Variants in LCOR observed in about 807,000 individuals in gnomAD.
LCOR encodes ligand dependent nuclear receptor corepressor.
In LCOR, 14 loss-of-function variants were observed where a neutral mutation model predicts 64.4. The ratio of observed to expected loss-of-function variants is 0.22; its 90% CI spans 0.14 to 0.34. The LOEUF (loss-of-function observed/expected upper bound fraction) is 0.34. Among genes scored for constraint, LCOR ranks in the 10% least tolerant of loss-of-function variants. LCOR has a pLI of 1.00. For missense variants in LCOR, 1,686 were observed against 1,765.3 expected (o/e 0.96, Z 0.80); for synonymous variants, 643 against 642.5 (o/e 1.00, Z -0.01).
At chr10:96,879,134 C>T (rs973516153) in intron 2 of LCOR, among the ~76,000 whole-genome samples, 1 of 152,030 alleles carries the variant, frequency 6.6e-6, no homozygotes, top group African/African-American at 2.4e-5. Flanking sequence ...TATATAACAC[C>T]CACTATATGC....
At chr10:96,835,594 C>CT (rs1315796862) in intron 2 of LCOR, among the ~76,000 whole-genome samples, 2 of 152,168 alleles carry the variant, frequency 1.3e-5, no homozygotes, top group African/African-American at 4.8e-5. Flanking sequence ...AACTTGTTTA[C>CT]TTCCAGATGT....
At chr10:96,845,365 A>G (rs532151623) in intron 2 of LCOR, among the ~76,000 whole-genome samples, 1 of 149,698 alleles carries the variant, frequency 6.7e-6, no homozygotes, top group East Asian at 2.0e-4. Context: ...TATAAACACT[A>G]ATTTCCTGTG....
chr10:96,951,975 C>CA, intron 6 of LCOR, 128 bp from the exon 7 acceptor site: 1 of 611,556 alleles, frequency 1.6e-6, no homozygotes, highest in Non-Finnish European at 2.9e-6. Flanking sequence ...TTTTATAACT[C>CA]AAATATATGA....
At chr10:96,977,662 A>AGTTTGTTT (rs144809803) in intron 7 of LCOR, among the ~76,000 whole-genome samples, 2 of 151,926 alleles carry the variant, frequency 1.3e-5, no homozygotes, top group South Asian at 4.2e-4. Flanking sequence ...TTGATCTCCA[A>AGTTTGTTT]GTTTGTTTGT....
intron 4 of LCOR, among the ~76,000 whole-genome samples, chr10:96,938,137 T>A (rs930559702): frequency 2.0e-5 from 3 of 151,972 alleles, no homozygotes; most frequent in African/African-American, 7.3e-5. Flanking sequence ...TTTAACTGAT[T>A]TGTAGAGACG....
intron 4 of LCOR, among the ~76,000 whole-genome samples, chr10:96,917,909 T>C (rs1846983165): frequency 6.6e-6 from 1 of 152,014 alleles, no homozygotes; most frequent in Non-Finnish European, 1.5e-5. Context: ...AAGGGAAAGT[T>C]TTGGTGCAGT....
intron 2 of LCOR, among the ~76,000 whole-genome samples, chr10:96,901,116 G>A (rs902387578): frequency 3.3e-5 from 5 of 151,940 alleles, no homozygotes; most frequent in Non-Finnish European, 5.9e-5. Flanking sequence ...ATGAACCCGG[G>A]AGGCGGAGCT....
chr10:96,918,274 G>T (rs1019939981), intron 4 of LCOR, among the ~76,000 whole-genome samples: 1 of 152,170 alleles, frequency 6.6e-6, no homozygotes, highest in Non-Finnish European at 1.5e-5. Context: ...TGTCATGTTT[G>T]TCAAACTAAT....
intron 7 of LCOR, among the ~76,000 whole-genome samples, chr10:96,968,420 TGAG>T (rs1847969241): frequency 2.0e-5 from 3 of 152,246 alleles, no homozygotes; most frequent in Admixed American, 2.0e-4. Context: ...AACTATTAAT[TGAG>T]TTTGGCCCTT....
intron 2 of LCOR, among the ~76,000 whole-genome samples, chr10:96,890,089 G>A (rs761172479): frequency 6.6e-5 from 10 of 151,694 alleles, no homozygotes; most frequent in Admixed American, 1.3e-4. Flanking sequence ...CTTTGTATGC[G>A]TGTAGTTTTT....
At chr10:96,846,155 C>T (rs770639567) in intron 2 of LCOR, among the ~76,000 whole-genome samples, 1 of 151,832 alleles carries the variant, frequency 6.6e-6, no homozygotes, top group Non-Finnish European at 1.5e-5. Flanking sequence ...TGCAGTGAGC[C>T]GAGATTGCAC....
chr10:96,836,609 T>C (rs1845445686), intron 2 of LCOR, among the ~76,000 whole-genome samples: 1 of 152,202 alleles, frequency 6.6e-6, no homozygotes, highest in Non-Finnish European at 1.5e-5. Context: ...GCATAGTGTG[T>C]CATATGATGG....
intron 2 of LCOR, among the ~76,000 whole-genome samples, chr10:96,867,213 G>A (rs545842319): frequency 6.6e-6 from 1 of 152,040 alleles, no homozygotes; most frequent in African/African-American, 2.4e-5. Flanking sequence ...GGCTGATGTC[G>A]AACTCCCGAC....
chr10:96,951,655 G>A (rs1198642399), intron 6 of LCOR, among the ~76,000 whole-genome samples: 1 of 151,838 alleles, frequency 6.6e-6, no homozygotes, highest in Non-Finnish European at 1.5e-5. Flanking sequence ...TATCGAATTT[G>A]TATGTACTTT....
intron 2 of LCOR, among the ~76,000 whole-genome samples, chr10:96,837,447 GA>G (rs1845465777): frequency 6.6e-6 from 1 of 151,618 alleles, no homozygotes; most frequent in African/African-American, 2.4e-5. Flanking sequence ...TAGTAGAGAT[GA>G]GGGTTCAGCA....
At chr10:96,859,815 G>A (rs973529861) in intron 2 of LCOR, among the ~76,000 whole-genome samples, 2 of 152,100 alleles carry the variant, frequency 1.3e-5, no homozygotes, top group Admixed American at 6.6e-5. Flanking sequence ...CTTGGCTTCC[G>A]AAAGTGGTGG....
intron 2 of LCOR, among the ~76,000 whole-genome samples, chr10:96,858,263 C>G (rs897513976): frequency 1.3e-5 from 2 of 152,124 alleles, no homozygotes; most frequent in African/African-American, 4.8e-5. Context: ...AGTTTTACTT[C>G]AAAATGTAAT....
intron 7 of LCOR, among the ~76,000 whole-genome samples, chr10:96,975,844 G>A (rs1848035359): frequency 6.6e-6 from 1 of 151,894 alleles, no homozygotes; most frequent in South Asian, 2.1e-4. Context: ...GCAAAACCCT[G>A]TCTCTACTAA....
Position 96,984,892 on chromosome 10 carries a change from A to G in LCOR, c.4432A>G (p.Thr1478Ala). 6.2e-7 allele frequency: 1 copy of G among 1,613,820 alleles called. No individual in the cohort carries two copies. Among genetic ancestry groups the G allele is most frequent in the Non-Finnish European group, 8.5e-7 (1 of 1,179,978 alleles). Residue 1478 changes from threonine (T) to alanine (A), a missense_variant, in exon 8 of 8, where the codon ACA (threonine) becomes GCA (alanine). Coordinates refer to ENST00000421806, the MANE Select transcript of LCOR (RefSeq NM_001346516.2). ...CPPSRKEKEN[T>A]NKRPSQSIAS... ...TCCCTCCAGGAAAGAAAAAGAGAAT[A>G]CAAACAAAAGGCCTTCCCAGTCTAT...
Sources: allele counts gnomAD v4.1 joint callset (sites outside exome capture counted in the v4.1 genomes callset), GRCh38; gene constraint gnomAD v4.1.1; transcripts MANE v1.5; gene names NCBI Gene and HGNC (gene_info 2026-07-23, HGNC 2026-07-21).